The following NCOA1 variants were observed in gnomAD, a reference collection of about 807,000 sequenced individuals.
NCOA1 encodes nuclear receptor coactivator 1, also known as Hin-2 protein.
In NCOA1, 35 loss-of-function variants were observed where a neutral mutation model predicts 150.9. That is an observed-to-expected ratio of 0.23 (90% confidence interval 0.18 to 0.31). The LOEUF is 0.31. NCOA1 is among the 10% of genes least tolerant of loss of function. NCOA1 has a pLI of 1.00. For missense variants in NCOA1, 1,491 were observed against 1,749.3 expected, an observed-to-expected ratio of 0.85 and a Z score of 2.63; for synonymous variants, 590 against 630.0, an observed-to-expected ratio of 0.94 and a Z score of 0.95.
At chr2:24,700,118 G>C (rs1673084969) in intron 11 of NCOA1, among the ~76,000 whole-genome samples, 1 of 150,504 alleles carries the variant, frequency 6.6e-6, no homozygotes, top group Admixed American at 6.6e-5. Flanking sequence ...ACTCCAGCCT[G>C]GGCAACAAGA....
At chr2:24,620,623 A>G (rs1669098724) in intron 3 of NCOA1, among the ~76,000 whole-genome samples, 1 of 152,164 alleles carries the variant, frequency 6.6e-6, no homozygotes, top group Non-Finnish European at 1.5e-5. Flanking sequence ...ACAAAACAAA[A>G]CTATTCAATA....
Position 24,639,408 on chromosome 2 carries a change from T to C in NCOA1, c.-174-4558T>C, listed in dbSNP as rs72788627. 7.3e-3 allele frequency among the ~76,000 whole-genome samples: 1,109 copies of C among 152,248 alleles called. 9 individuals are homozygous for C. Among genetic ancestry groups the C allele is most frequent in the Non-Finnish European group, 0.012 (840 of 68,016 alleles). On this transcript the variant is annotated intron_variant, in intron 3 of 22. Transcript: ENST00000348332. ...GTGACATCCCTCATATTTCTAGTAT[T>C]AGTAATTTGTGTTTTTAACTTTTTC...
intron 1 of NCOA1, among the ~76,000 whole-genome samples, chr2:24,534,273 T>TG (rs1351181308): frequency 6.6e-6 from 1 of 152,222 alleles, no homozygotes. Flanking sequence ...TGTATTTCTG[T>TG]GGGATCGGTG....
At chr2:24,595,641 T>C (rs1254667966) in intron 3 of NCOA1, among the ~76,000 whole-genome samples, 10 of 152,156 alleles carry the variant, frequency 6.6e-5, no homozygotes, top group African/African-American at 2.4e-4. Flanking sequence ...AATGATATTG[T>C]AGTTTAATCT....
Position 24,724,446 on chromosome 2 carries a change from G to T in NCOA1, c.2600-2143G>T, listed in dbSNP as rs181726907. 8.0e-3 allele frequency among the ~76,000 whole-genome samples: 1,218 copies of T among 152,198 alleles called. 6 individuals are homozygous for T. Among genetic ancestry groups the T allele is most frequent in the Non-Finnish European group, 0.014 (934 of 67,996 alleles). ...CAGTTTCTAAAGAAAGTCGCAAAAG[G>T]TTGAAATGACTTTCAGAATAAAAAC... On this transcript the variant is annotated intron_variant, in intron 14 of 22. Transcript: ENST00000348332.
At chr2:24,520,919 T>TTTAGCCAAACTAGCAACC (rs2148134580) in intron 1 of NCOA1, among the ~76,000 whole-genome samples, 1 of 152,162 alleles carries the variant, frequency 6.6e-6, no homozygotes, top group South Asian at 2.1e-4. Context: ...TTGCTCATTC[T>TTTAGCCAAACTAGCAACC]TTGCTGTTCC....
At chr2:24,592,731 GT>G (rs912505253) in intron 3 of NCOA1, among the ~76,000 whole-genome samples, 9 of 151,710 alleles carry the variant, frequency 5.9e-5, no homozygotes, top group Admixed American at 1.3e-4. Flanking sequence ...GCTTACTGAG[GT>G]TTTTTTCCCC....
At position 24,564,312 on chromosome 2, in the gene NCOA1, G is replaced by A. The variant is rs917161850; in HGVS notation, c.-378G>A. ...TGCTTTAGATCTATCCATACTAATGGAAATGTAACTGGAACTGACTCTGAT... is the reference window on the plus strand; with the variant it reads ...TGCTTTAGATCTATCCATACTAATGAAAATGTAACTGGAACTGACTCTGAT... On this transcript the variant is annotated 5_prime_UTR_variant, in exon 2 of 23. Coordinates refer to ENST00000348332, the MANE Select transcript of NCOA1 (RefSeq NM_003743.5). 1 of 152,090 alleles carries A rather than the reference G, an allele frequency of 6.6e-6. No homozygotes were observed. The highest frequency in any genetic ancestry group is 1.5e-5 in the Non-Finnish European group (1 of 68,024). 9.4% of individuals were successfully genotyped at this position (152,090 alleles called of 1,614,324 possible). A position where few individuals can be genotyped will look rare whatever the true frequency, so the allele number is the denominator to read the frequency against.
chr2:24,597,581 T>TG, intron 3 of NCOA1, among the ~76,000 whole-genome samples: 1 of 152,056 alleles, frequency 6.6e-6, no homozygotes, highest in East Asian at 1.9e-4. Context: ...ATCTGTAGAG[T>TG]GGGCTGGCAG....
At chr2:24,562,729 A>C (rs1666337570) in intron 1 of NCOA1, among the ~76,000 whole-genome samples, 1 of 152,166 alleles carries the variant, frequency 6.6e-6, no homozygotes. Flanking sequence ...TAGGAGTTTG[A>C]GGGTGGTGAA....
intron 22 of NCOA1, among the ~76,000 whole-genome samples, chr2:24,763,030 C>T (rs1274259029): frequency 6.6e-6 from 1 of 152,182 alleles, no homozygotes; most frequent in Admixed American, 6.5e-5. Flanking sequence ...TGGCTTAACT[C>T]AGTGCTTAGA....
At chr2:24,560,631 G>T (rs1666259353) in intron 1 of NCOA1, among the ~76,000 whole-genome samples, 1 of 152,128 alleles carries the variant, frequency 6.6e-6, no homozygotes, top group Non-Finnish European at 1.5e-5. Context: ...TTTCCTCCAT[G>T]AAGCCTTTCC....
intron 1 of NCOA1, among the ~76,000 whole-genome samples, chr2:24,531,273 A>G (rs1664874431): frequency 6.6e-6 from 1 of 152,170 alleles, no homozygotes; most frequent in Non-Finnish European, 1.5e-5. Flanking sequence ...ACCACCTTGT[A>G]AAGATATTTG....
At chr2:24,757,890 A>G (rs969184235) in intron 20 of NCOA1, 83 bp from the exon 21 acceptor site, 6 of 1,343,046 alleles carry the variant, frequency 4.5e-6, no homozygotes, top group Middle Eastern at 1.8e-4. Context: ...GATGTAACAT[A>G]TTTTATTTGG....
chr2:24,530,902 C>A (rs1489944472), intron 1 of NCOA1, among the ~76,000 whole-genome samples: 4 of 152,168 alleles, frequency 2.6e-5, no homozygotes, highest in African/African-American at 9.7e-5. Flanking sequence ...ATATATCAGA[C>A]TTCTTTATAG....
At chr2:24,706,418 T>A in intron 12 of NCOA1, 150 bp from the exon 13 acceptor site, 1 of 838,830 alleles carries the variant, frequency 1.2e-6, no homozygotes, top group Non-Finnish European at 1.6e-6. Flanking sequence ...TAAGAAACTT[T>A]TTTCTTAATT....
chr2:24,691,908 A>G (rs548389802), intron 9 of NCOA1, among the ~76,000 whole-genome samples: 1 of 152,206 alleles, frequency 6.6e-6, no homozygotes, highest in South Asian at 2.1e-4. Flanking sequence ...AAAATGTCAA[A>G]TAATTCAAAC....
chr2:24,595,475 CA>C (rs1389810770), intron 3 of NCOA1, among the ~76,000 whole-genome samples: 2 of 152,010 alleles, frequency 1.3e-5, no homozygotes, highest in Non-Finnish European at 2.9e-5. Context: ...ATCACCTAAA[CA>C]AGGTTAAAAA....
chr2:24,698,674 C>G (rs1673012258), intron 11 of NCOA1, among the ~76,000 whole-genome samples: 1 of 152,144 alleles, frequency 6.6e-6, no homozygotes, highest in Admixed American at 6.5e-5. Context: ...ATTCTCTAAT[C>G]TCTAGATAGT....
Sources: allele counts gnomAD v4.1 joint callset (sites outside exome capture counted in the v4.1 genomes callset), GRCh38; gene constraint gnomAD v4.1.1; transcripts MANE v1.5; gene names NCBI Gene and HGNC (gene_info 2026-07-23, HGNC 2026-07-21).